The following DROSHA variants were observed in gnomAD, a reference collection of about 807,000 sequenced individuals.
The protein encoded by DROSHA is drosha ribonuclease III, also known as ribonuclease 3.
Under a neutral mutation model 181.9 loss-of-function variants are expected in DROSHA, and 56 were observed. The ratio of observed to expected loss-of-function variants is 0.31; its 90% CI spans 0.25 to 0.38. DROSHA has a LOEUF of 0.38. DROSHA is among the 10% of genes least tolerant of loss of function. DROSHA has a pLI of 1.00. For missense variants in DROSHA, 1,218 were observed against 1,743.5 expected, an observed-to-expected ratio of 0.70 and a Z score of 5.37; for synonymous variants, 524 against 591.2, an observed-to-expected ratio of 0.89 and a Z score of 1.65.
rs748100388 is a variant in DROSHA at position 31,464,260 on chromosome 5, A to G, written c.2550T>C (p.Thr850=). The G allele has an allele frequency of 8.7e-6, 14 of 1,613,510 alleles. No individual in the cohort carries two copies. Among genetic ancestry groups the G allele is most frequent in the Non-Finnish European group, 1.2e-5 (14 of 1,179,654 alleles). Reference sequence around the variant, plus strand: ...CCTGACAGACATCAGAACGGATGCCAGTTTTCCAGAATCCTTGGCTACTTA... The same window carrying G: ...CCTGACAGACATCAGAACGGATGCCGGTTTTCCAGAATCCTTGGCTACTTA... ...VELSSQGFWK[T]GIRSDVCQHA... Residue 850 remains threonine, a synonymous_variant, in exon 20 of 36, where the codon ACT becomes ACC. Transcript: ENST00000344624.
chr5:31,498,588 T>TGGC (rs1306992374), intron 11 of DROSHA, among the ~76,000 whole-genome samples: 1 of 152,148 alleles, frequency 6.6e-6, no homozygotes, highest in Non-Finnish European at 1.5e-5. Context: ...CCAGGCACGG[T>TGGC]GGCTCATGCC....
Position 31,424,466 on chromosome 5 carries a change from C to T in DROSHA, c.3222G>A (p.Leu1074=). 1 of 1,593,838 alleles carries T rather than the reference C, an allele frequency of 6.3e-7. No homozygotes were observed. The part of the protein sequence containing the change: ...FGRLLFNDPD[L]REVWLNYPLH... Reference sequence around the variant, plus strand: ...GAGGATAATTGAGCCAGACTTCGCGCAGGTCCTGGAAAATGGAGTGATGCC... The same window carrying T: ...GAGGATAATTGAGCCAGACTTCGCGTAGGTCCTGGAAAATGGAGTGATGCC... The change falls in exon 28 of 36, where the codon CTG becomes CTA. Residue 1074 remains leucine, a synonymous_variant. Transcript: ENST00000344624.
rs184067747 is a variant in DROSHA at position 31,529,027 on chromosome 5, T to A, written c.20+13A>T. The A allele has an allele frequency of 1.9e-6, 3 of 1,613,042 alleles. No homozygotes were observed. In the African/African-American group the frequency reaches 4.0e-5, roughly 22 times the overall value. ...TTCTCCCAAACTATTGCCATTCCCA[T>A]CACGGCACTCACCATGTGTTTCCCT... On this transcript the variant is annotated intron_variant, in intron 4 of 35. Transcript: ENST00000344624.
rs150776648 is a variant in DROSHA, at chr5:31,411,907, G to A, written c.3526-1020C>T. On this transcript the variant is annotated intron_variant, in intron 30 of 35. Coordinates refer to ENST00000344624, the MANE Select transcript of DROSHA (RefSeq NM_001382508.1). The surrounding 1 kb of genome is among the most constrained non-coding windows in gnomAD (Gnocchi z 4.2). ...CTTTCAAAGTGTTGGGATTACAGGC[G>A]TGAGCCACTGCGCCCAGCCCATACT... is the stretch of plus-strand genomic sequence containing the variant. Among the ~76,000 whole-genome samples, 3 of 152,326 alleles carry A rather than the reference G, an allele frequency of 2.0e-5. No homozygotes were observed. Among genetic ancestry groups the A allele is most frequent in the Admixed American group, 6.5e-5 (1 of 15,298 alleles).
rs776075646 is a variant in DROSHA, at chr5:31,429,559, A to G, written c.3146-14T>C. On this transcript the variant is annotated splice_polypyrimidine_tract_variant and intron_variant, in intron 26 of 35. Coordinates refer to ENST00000344624, the MANE Select transcript of DROSHA (RefSeq NM_001382508.1). ...AGTAAACAGCTCCTAGATGAAAAAC[A>G]GAGAATGCCAAAAGAGAGTCTCCAT... is the stretch of plus-strand genomic sequence containing the variant. The G allele has an allele frequency of 9.3e-6, 15 of 1,608,588 alleles. No homozygotes were observed. Among genetic ancestry groups the G allele is most frequent in the Non-Finnish European group, 1.2e-5 (14 of 1,177,178 alleles).
intron 34 of DROSHA, among the ~76,000 whole-genome samples, chr5:31,406,636 A>G (rs1330309829): frequency 2.0e-5 from 3 of 152,224 alleles, no homozygotes; most frequent in Non-Finnish European, 4.4e-5. Context: ...CAAGATAGCT[A>G]AAGCCCCCTT....
intron 7 of DROSHA, 53 bp downstream of exon 7, chr5:31,515,401 A>C: frequency 9.4e-7 from 1 of 1,061,678 alleles, no homozygotes; most frequent in Non-Finnish European, 1.4e-6. Context: ...AATCACCTGA[A>C]GTTTACTTGT....
In DROSHA at chr5:31,462,416, C is replaced by T. The variant is rs189407161; in HGVS notation, c.2574+1820G>A. Among the ~76,000 whole-genome samples, 56 of 152,114 alleles carry T rather than the reference C, an allele frequency of 3.7e-4. 2 individuals carry two copies. Among genetic ancestry groups the T allele is most frequent in the Admixed American group, 3.5e-3 (53 of 15,274 alleles). On this transcript the variant is annotated intron_variant, in intron 20 of 35. Transcript: ENST00000344624. The stretch of plus-strand genomic sequence containing the variant: ...GCATTCACCTTTGCAGGAGTTTAAT[C>T]GGGATCCCTTTTCTTCCACCAGTTA...
chr5:31,485,072 T>A, intron 14 of DROSHA, 110 bp from the exon 15 acceptor site: 1 of 705,272 alleles, frequency 1.4e-6, no homozygotes, highest in South Asian at 2.0e-5. Context: ...AAAACTATAC[T>A]AAGACCATAT....
intron 16 of DROSHA, among the ~76,000 whole-genome samples, chr5:31,474,637 TACAGTGTGAGCCACG>T (rs1408883139): frequency 2.6e-5 from 4 of 152,158 alleles, no homozygotes; most frequent in Non-Finnish European, 4.4e-5. Flanking sequence ...GTGCTGGGAT[TACAGTGTGAGCCACG>T]GCACCCAGCC....
rs149706041 is a variant in DROSHA at position 31,448,227 on chromosome 5, A to T, written c.2882+320T>A. On this transcript the variant is annotated intron_variant, in intron 23 of 35. Coordinates refer to ENST00000344624, the MANE Select transcript of DROSHA (RefSeq NM_001382508.1). ...TATGGACAAATCCTGAAAACATGCT[A>T]AGTAAAAGAAGACAATCACAAAGAA... Among the ~76,000 whole-genome samples the T allele has an allele frequency of 3.5e-3, 536 of 152,342 alleles. 1 individual carries two copies. Among genetic ancestry groups the T allele is most frequent in the African/African-American group, 0.012 (506 of 41,578 alleles).
At chr5:31,460,740 G>C (rs1748309355) in intron 20 of DROSHA, among the ~76,000 whole-genome samples, 1 of 152,166 alleles carries the variant, frequency 6.6e-6, no homozygotes, top group Non-Finnish European at 1.5e-5. Context: ...CAGTCAATTA[G>C]ATTTTTATTC....
chr5:31,446,688 A>T (rs1746342827), intron 23 of DROSHA, among the ~76,000 whole-genome samples: 1 of 151,246 alleles, frequency 6.6e-6, no homozygotes, highest in Non-Finnish European at 1.5e-5. Flanking sequence ...AAAAAAAAAA[A>T]AAAAAAGGTT....
rs949039683 is a variant in DROSHA at position 31,406,185 on chromosome 5, T to C, written c.3948-462A>G. Reference sequence around the variant, plus strand: ...TCACCTAAAGATGCTAGCGTTTCCATACAGCTCAGGTGAGTAGTAGTAAAT... The same window carrying C: ...TCACCTAAAGATGCTAGCGTTTCCACACAGCTCAGGTGAGTAGTAGTAAAT... On this transcript the variant is annotated intron_variant, in intron 34 of 35. Coordinates refer to ENST00000344624, the MANE Select transcript of DROSHA (RefSeq NM_001382508.1). Among the ~76,000 whole-genome samples, 3 of 152,148 alleles carry C rather than the reference T, an allele frequency of 2.0e-5. 1 individual carries two copies. The highest frequency in any genetic ancestry group is 2.0e-4 in the Admixed American group (3 of 15,276).
In DROSHA at chr5:31,532,054, C is replaced by CA; in HGVS notation, c.-315dup. On this transcript the variant is annotated 5_prime_UTR_variant, in exon 1 of 36. Transcript: ENST00000344624. ...AAAGCCAGGCTACTACCGCAGGTAC[C>CA]AAGACAGTGGCACCGCCCGCGCCTC... The CA allele has an allele frequency of 5.4e-6, 2 of 368,156 alleles. No homozygotes were observed. Among genetic ancestry groups the CA allele is most frequent in the Non-Finnish European group, 1.0e-5 (2 of 199,552 alleles). 22.8% of individuals were successfully genotyped at this position (368,156 alleles called of 1,614,324 possible). A position where few individuals can be genotyped will look rare whatever the true frequency, so the allele number is the denominator to read the frequency against.
At chr5:31,458,035 T>A (rs1181362429) in intron 20 of DROSHA, among the ~76,000 whole-genome samples, 2 of 152,144 alleles carry the variant, frequency 1.3e-5, no homozygotes, top group Non-Finnish European at 2.9e-5. Context: ...CTATAGATAA[T>A]CAAAGACAAA....
intron 35 of DROSHA, among the ~76,000 whole-genome samples, chr5:31,405,429 G>A (rs190993718): frequency 3.3e-4 from 50 of 150,612 alleles, no homozygotes; most frequent in African/African-American, 1.2e-3. Context: ...GGTCACCCGC[G>A]CTGAGATTAG....
chr5:31,487,994 G>A lies in DROSHA; in HGVS notation c.1843-1432C>T, dbSNP rs143630750. 2.5e-3 allele frequency among the ~76,000 whole-genome samples: 376 copies of A among 152,158 alleles called. 1 individual carries two copies. Among genetic ancestry groups the A allele is most frequent in the African/African-American group, 8.7e-3 (362 of 41,494 alleles). Reference sequence around the variant, plus strand: ...GAGGTAAAGATGTGTAAGAAGAAAGGCATGTAAGTAAATACAAAAAGAATA... The same window carrying A: ...GAGGTAAAGATGTGTAAGAAGAAAGACATGTAAGTAAATACAAAAAGAATA... On this transcript the variant is annotated intron_variant, in intron 13 of 35. Coordinates refer to ENST00000344624, the MANE Select transcript of DROSHA (RefSeq NM_001382508.1).
At chr5:31,433,595 AGTGCAGT>A (rs1227599422) in intron 25 of DROSHA, among the ~76,000 whole-genome samples, 4 of 151,986 alleles carry the variant, frequency 2.6e-5, no homozygotes, top group African/African-American at 9.7e-5. Context: ...CCCAGGCTGG[AGTGCAGT>A]GGCACAATCT....
Sources: allele counts gnomAD v4.1 joint callset (sites outside exome capture counted in the v4.1 genomes callset), GRCh38; gene constraint gnomAD v4.1.1; non-coding constraint Gnocchi (gnomAD v3.1); transcripts MANE v1.5; gene names NCBI Gene and HGNC (gene_info 2026-07-23, HGNC 2026-07-21).